ATXN10: variants seen among roughly 807,000 people sequenced by gnomAD.
The protein encoded by ATXN10 is ataxin-10.
A neutral mutation model predicts 52.9 loss-of-function variants in ATXN10; 28 were observed. That is an observed-to-expected ratio of 0.53 (90% CI 0.39 to 0.73). ATXN10 has a LOEUF of 0.73. Ranked by LOEUF, ATXN10 falls within the 30% of genes least tolerant of loss-of-function variation. The probability of loss-of-function intolerance (pLI) is 0.00; values close to 1 mark genes in which losing one functional copy is unlikely to be tolerated. For missense variants in ATXN10, 565 were observed against 577.0 expected, an observed-to-expected ratio of 0.98 and a Z score of 0.21; for synonymous variants, 226 against 221.5, an observed-to-expected ratio of 1.02 and a Z score of -0.18.
rs1335375250 is a variant in ATXN10 at position 45,819,602 on chromosome 22, T to TATA, written c.1237+12581_1237+12582insTAA. Among the ~76,000 whole-genome samples, 13 of 152,222 alleles carry TATA rather than the reference T, an allele frequency of 8.5e-5. No individual in the cohort carries two copies. Among genetic ancestry groups the TATA allele is most frequent in the Admixed American group, 8.5e-4 (13 of 15,286 alleles). ...CACAGCAGTCCCATGCAGGAAGCTTTACCTTCAGGAAAGCTGCTGGATTGA... is the reference window on the plus strand; with the variant it reads ...CACAGCAGTCCCATGCAGGAAGCTTTATAACCTTCAGGAAAGCTGCTGGATTGA... On this transcript the variant is annotated intron_variant, in intron 10 of 11. Coordinates refer to ENST00000252934, the MANE Select transcript of ATXN10 (RefSeq NM_013236.4). The surrounding 1 kb of genome is among the most constrained non-coding windows in gnomAD (Gnocchi z 4.5).
At chr22:45,813,630 C>G (rs1928361661) in intron 10 of ATXN10, among the ~76,000 whole-genome samples, 1 of 152,102 alleles carries the variant, frequency 6.6e-6, no homozygotes, top group South Asian at 2.1e-4. Context: ...CAGACCCACA[C>G]TCAAGTTCTG....
intron 8 of ATXN10, among the ~76,000 whole-genome samples, chr22:45,739,568 G>A (rs1420790932): frequency 6.6e-6 from 1 of 152,180 alleles, no homozygotes; most frequent in African/African-American, 2.4e-5. Flanking sequence ...TGCTTTTAGT[G>A]ATAATTTAAA....
chr22:45,742,623 A>C (rs993938564), intron 9 of ATXN10, among the ~76,000 whole-genome samples: 1 of 152,202 alleles, frequency 6.6e-6, no homozygotes, highest in Admixed American at 6.5e-5. Flanking sequence ...GAAATCATCT[A>C]GTCTGAAAAA....
Position 45,795,925 on chromosome 22 carries a change from G to A in ATXN10, c.1174-11034G>A, listed in dbSNP as rs1289889966. 6.6e-6 allele frequency among the ~76,000 whole-genome samples: 1 copy of A among 152,210 alleles called. No homozygotes were observed. The highest frequency in any genetic ancestry group is 2.1e-4 in the South Asian group (1 of 4,830). ...TCTGCACAAATTGTTTGTAAAGCAT[G>A]TGTGTTTGAACAATATGAAATTTGG... On this transcript the variant is annotated intron_variant, in intron 9 of 11. Coordinates refer to ENST00000252934, the MANE Select transcript of ATXN10 (RefSeq NM_013236.4). This position sits in a 1 kb window ranked among gnomAD's most constrained non-coding sequence, Gnocchi z 4.6.
intron 5 of ATXN10, among the ~76,000 whole-genome samples, chr22:45,717,519 G>T (rs1924491613): frequency 6.6e-6 from 1 of 152,100 alleles, no homozygotes; most frequent in Non-Finnish European, 1.5e-5. Flanking sequence ...ATTATTTTTA[G>T]GAATATTTTA....
At chr22:45,782,156 C>T (rs1475135378) in intron 9 of ATXN10, among the ~76,000 whole-genome samples, 2 of 152,210 alleles carry the variant, frequency 1.3e-5, no homozygotes, top group African/African-American at 2.4e-5. Context: ...CCCATCATTC[C>T]TGTTAAAACA....
rs1927375177 is a variant in ATXN10, at chr22:45,787,953, G to A, written c.1174-19006G>A. ...TGTTTACATTTGCCTACAATATTTA[G>A]TGTGGGATTACTCAAATCTTTTGGT... On this transcript the variant is annotated intron_variant, in intron 9 of 11. Transcript: ENST00000252934. The surrounding 1 kb of genome is among the most constrained non-coding windows in gnomAD (Gnocchi z 4.2). Among the ~76,000 whole-genome samples the A allele has an allele frequency of 6.6e-6, 1 of 152,112 alleles. No individual in the cohort carries two copies. Among genetic ancestry groups the A allele is most frequent in the Non-Finnish European group, 1.5e-5 (1 of 68,022 alleles).
Position 45,841,860 on chromosome 22 carries a change from G to T in ATXN10, c.1238-1131G>T, listed in dbSNP as rs113161503. Among the ~76,000 whole-genome samples the T allele has an allele frequency of 6.6e-6, 1 of 152,210 alleles. No individual in the cohort carries two copies. The highest frequency in any genetic ancestry group is 2.4e-5 in the African/African-American group (1 of 41,462). ...CTGGTCCACAGCGTTGCACAGGGGT[G>T]TTCAGGACAAGATCAGAAGACTTGG... On this transcript the variant is annotated intron_variant, in intron 10 of 11. Coordinates refer to ENST00000252934, the MANE Select transcript of ATXN10 (RefSeq NM_013236.4). The surrounding 1 kb of genome is among the most constrained non-coding windows in gnomAD (Gnocchi z 5.1).
At chr22:45,725,611 CAG>C (rs757914344) in intron 6 of ATXN10, among the ~76,000 whole-genome samples, 23 of 152,038 alleles carry the variant, frequency 1.5e-4, no homozygotes, top group Non-Finnish European at 2.9e-4. Context: ...CATTGGCAAA[CAG>C]AGATAGTTTG....
At chr22:45,808,072 G>T (rs1382759071) in intron 10 of ATXN10, among the ~76,000 whole-genome samples, 1 of 152,212 alleles carries the variant, frequency 6.6e-6, no homozygotes, top group African/African-American at 2.4e-5. Flanking sequence ...ACAGTAGCTT[G>T]TAAGTTCAGT....
At chr22:45,672,860 C>A (rs1922525501) in intron 1 of ATXN10, 1 of 152,242 alleles carries the variant, frequency 6.6e-6, no homozygotes, top group African/African-American at 2.4e-5. Flanking sequence ...TGCAGTTTCT[C>A]CAGGCCTTAG....
At chr22:45,821,255 G>A (rs572094225) in intron 10 of ATXN10, among the ~76,000 whole-genome samples, 1 of 151,226 alleles carries the variant, frequency 6.6e-6, no homozygotes, top group African/African-American at 2.4e-5. Context: ...AGTGGCTCAC[G>A]CCTCCCAGCT....
intron 1 of ATXN10, among the ~76,000 whole-genome samples, chr22:45,682,490 TG>T (rs748959226): frequency 1.0e-4 from 15 of 150,240 alleles, no homozygotes; most frequent in Non-Finnish European, 1.8e-4. Context: ...AAATTTTTTT[TG>T]TAGAGACAGG....
At position 45,786,379 on chromosome 22, in the gene ATXN10, A is replaced by T. The variant is rs964474458; in HGVS notation, c.1174-20580A>T. Among the ~76,000 whole-genome samples the T allele has an allele frequency of 2.6e-5, 4 of 152,054 alleles. No individual in the cohort carries two copies. Among genetic ancestry groups the T allele is most frequent in the African/African-American group, 9.7e-5 (4 of 41,362 alleles). ...CTTTCTTTTTGGAGGTGTCATGGGG[A>T]GCAGGGTTAGTTTATGGGATGCAGT... is the stretch of plus-strand genomic sequence containing the variant. On this transcript the variant is annotated intron_variant, in intron 9 of 11. Coordinates refer to ENST00000252934, the MANE Select transcript of ATXN10 (RefSeq NM_013236.4). The surrounding 1 kb of genome is among the most constrained non-coding windows in gnomAD (Gnocchi z 4.1).
Position 45,690,158 on chromosome 22 carries a change from C to T in ATXN10, c.308+255C>T, listed in dbSNP as rs547418858. ...GGACATGGTGGCGCACACCTGTAGT[C>T]CCAACTGCTCAGGAGACTGAGGTGG... On this transcript the variant is annotated intron_variant, in intron 2 of 11. Transcript: ENST00000252934. This position sits in a 1 kb window ranked among gnomAD's most constrained non-coding sequence, Gnocchi z 4.5. 1.9e-3 allele frequency among the ~76,000 whole-genome samples: 294 copies of T among 152,108 alleles called. 1 individual carries two copies. Among genetic ancestry groups the T allele is most frequent in the African/African-American group, 6.6e-3 (274 of 41,480 alleles).
At chr22:45,768,224 T>C (rs1013433410) in intron 9 of ATXN10, among the ~76,000 whole-genome samples, 8 of 152,122 alleles carry the variant, frequency 5.3e-5, no homozygotes, top group Non-Finnish European at 8.8e-5. Context: ...CAGGGCTCCT[T>C]GGAGATATGG....
intron 5 of ATXN10, among the ~76,000 whole-genome samples, chr22:45,706,698 G>GTTACGGT (rs1924053956): frequency 6.6e-6 from 1 of 151,800 alleles, no homozygotes; most frequent in African/African-American, 2.4e-5. Context: ...CCACATATTT[G>GTTACGGT]TTTCTAATTT....
intron 9 of ATXN10, among the ~76,000 whole-genome samples, chr22:45,778,021 T>C (rs926215693): frequency 4.6e-5 from 7 of 152,216 alleles, no homozygotes; most frequent in Admixed American, 3.9e-4. Flanking sequence ...TTCTTTAATA[T>C]TGCCTATGGC....
chr22:45,774,860 G>T lies in ATXN10; in HGVS notation c.1174-32099G>T, dbSNP rs1569059659. Among the ~76,000 whole-genome samples, 1 of 152,204 alleles carries T rather than the reference G, an allele frequency of 6.6e-6. No homozygotes were observed. Among genetic ancestry groups the T allele is most frequent in the Non-Finnish European group, 1.5e-5 (1 of 68,026 alleles). ...AGGCAGGAGAATCACTTAAACCTGG[G>T]AGGTGGAGGTGGCAGGCTGCAGTGA... On this transcript the variant is annotated intron_variant, in intron 9 of 11. Coordinates refer to ENST00000252934, the MANE Select transcript of ATXN10 (RefSeq NM_013236.4). The surrounding 1 kb of genome is among the most constrained non-coding windows in gnomAD (Gnocchi z 6.2).
Sources: gnomAD v4.1 joint callset for allele counts (sites outside exome capture counted in the v4.1 genomes callset) on GRCh38, gnomAD v4.1.1 for gene constraint, Gnocchi (gnomAD v3.1) non-coding constraint, MANE v1.5 for transcripts, NCBI Gene and HGNC (gene_info 2026-07-23, HGNC 2026-07-21) for gene names.